APBB2: variants seen among roughly 807,000 people sequenced by gnomAD.
APBB2 encodes Fe65-like 1.
In APBB2, 38 loss-of-function variants were observed where a neutral mutation model predicts 82.5. The ratio of observed to expected loss-of-function variants is 0.46; its 90% CI spans 0.36 to 0.60. APBB2 has a LOEUF of 0.60. Among genes scored for constraint, APBB2 ranks in the 20% least tolerant of loss-of-function variants. APBB2 has a pLI of 0.00. For synonymous variants in APBB2, 341 were observed against 368.2 expected (o/e 0.93, Z 0.85); for missense variants, 772 against 972.3 (o/e 0.79, Z 2.74).
chr4:41,032,512 G>A (rs77110672), intron 5 of APBB2, among the ~76,000 whole-genome samples: 2 of 150,484 alleles, frequency 1.3e-5, no homozygotes, highest in African/African-American at 2.4e-5. Context: ...GGGGCGGGGG[G>A]GGTTTCTGTC....
intron 2 of APBB2, among the ~76,000 whole-genome samples, chr4:41,115,123 A>C (rs1750541903): frequency 6.6e-6 from 1 of 152,200 alleles, no homozygotes; most frequent in Non-Finnish European, 1.5e-5. Context: ...ACTAAAACAT[A>C]TATACAGACC....
chr4:41,204,638 G>C (rs1777503877), intron 1 of APBB2, among the ~76,000 whole-genome samples: 1 of 152,196 alleles, frequency 6.6e-6, no homozygotes, highest in South Asian at 2.1e-4. Context: ...TTCCTTAGCT[G>C]TCAGCCTTTC....
intron 2 of APBB2, among the ~76,000 whole-genome samples, chr4:41,116,318 G>GT (rs1273931248): frequency 6.6e-6 from 1 of 152,164 alleles, no homozygotes; most frequent in Non-Finnish European, 1.5e-5. Context: ...CTGTCGGTGG[G>GT]TGGGGGGCCA....
At chr4:41,112,050 T>C (rs1346810418) in intron 2 of APBB2, among the ~76,000 whole-genome samples, 1 of 151,760 alleles carries the variant, frequency 6.6e-6, no homozygotes, top group African/African-American at 2.4e-5. Context: ...ACAGCAGAGG[T>C]GGGATGGGCT....
At chr4:40,851,857 G>T (rs898364476) in intron 12 of APBB2, among the ~76,000 whole-genome samples, 2 of 151,072 alleles carry the variant, frequency 1.3e-5, no homozygotes, top group African/African-American at 4.9e-5. Context: ...AGGGGGCAGA[G>T]AATCCTATCA....
intron 3 of APBB2, among the ~76,000 whole-genome samples, chr4:41,098,896 A>C (rs898343068): frequency 4.4e-4 from 67 of 152,336 alleles, no homozygotes; most frequent in Middle Eastern, 3.4e-3. Flanking sequence ...GGCCTCCAAC[A>C]TAATCCTTTT....
rs547530939 is a variant in APBB2, at chr4:41,105,636, G to A, written c.-260-4886C>T. ...GCAGTGGCTCACGCCTGTAATCCCA[G>A]CACTCTAGGAGGCCAAGGCGGGCAG... On this transcript the variant is annotated intron_variant, in intron 2 of 17. Transcript: ENST00000508593. 5.3e-5 allele frequency among the ~76,000 whole-genome samples: 8 copies of A among 152,292 alleles called. No homozygotes were observed. The East Asian group carries it at 1.2e-3, about 22-fold the overall frequency.
At position 41,139,722 on chromosome 4, in the gene APBB2, T is replaced by C. The variant is rs1180830763; in HGVS notation, c.-261+3265A>G. Reference sequence around the variant, plus strand: ...TATGACACTGTGGAAAAAGTAGAACTATGGGGCAAAAGATAAGTAGTGGCC... The same window carrying C: ...TATGACACTGTGGAAAAAGTAGAACCATGGGGCAAAAGATAAGTAGTGGCC... On this transcript the variant is annotated intron_variant, in intron 2 of 17. Transcript: ENST00000508593. Among the ~76,000 whole-genome samples the C allele has an allele frequency of 2.6e-5, 4 of 152,136 alleles. No individual in the cohort carries two copies. The East Asian group carries it at 7.7e-4, about 29-fold the overall frequency.
At chr4:40,975,313 G>C (rs924000517) in intron 6 of APBB2, among the ~76,000 whole-genome samples, 3 of 152,154 alleles carry the variant, frequency 2.0e-5, no homozygotes, top group Admixed American at 6.5e-5. Context: ...CCAGTATATG[G>C]ACAACAGGGA....
chr4:40,886,596 C>T (rs188966581), intron 12 of APBB2, among the ~76,000 whole-genome samples: 246 of 152,260 alleles, frequency 1.6e-3, no homozygotes, highest in African/African-American at 5.4e-3. Context: ...ACGCTGAGGC[C>T]GGAAGTTAGC....
intron 1 of APBB2, among the ~76,000 whole-genome samples, chr4:41,190,365 C>T (rs1252981937): frequency 6.6e-6 from 1 of 150,622 alleles, no homozygotes; most frequent in East Asian, 1.9e-4. Context: ...AATTCTCTGC[C>T]TCAGCCCGCG....
intron 12 of APBB2, among the ~76,000 whole-genome samples, chr4:40,863,315 G>A (rs778116119): frequency 6.6e-6 from 1 of 152,208 alleles, no homozygotes; most frequent in South Asian, 2.1e-4. Flanking sequence ...TATCAACAGA[G>A]CAGGCGGGAT....
At chr4:40,906,464 C>T (rs1323073949) in intron 10 of APBB2, among the ~76,000 whole-genome samples, 7 of 67,980 alleles carry the variant, frequency 1.0e-4, no homozygotes, top group African/African-American at 3.9e-4. Flanking sequence ...AAACCTGTCT[C>T]AAAAAAAAAA....
chr4:40,992,467 T>C lies in APBB2; in HGVS notation c.835+21116A>G, dbSNP rs1447298197. ...CACTGGGATTACAGGTGTGAGCCAC[T>C]GCACCAGATTGACACAGCTTTTTAG... On this transcript the variant is annotated intron_variant, in intron 6 of 17. Coordinates refer to ENST00000508593, the MANE Select transcript of APBB2 (RefSeq NM_004307.2). Among the ~76,000 whole-genome samples the C allele has an allele frequency of 2.0e-5, 3 of 152,132 alleles. No homozygotes were observed. In the East Asian group the frequency reaches 5.8e-4, roughly 29 times the overall value.
intron 10 of APBB2, among the ~76,000 whole-genome samples, chr4:40,930,582 G>A (rs1187282271): frequency 6.6e-6 from 1 of 151,948 alleles, no homozygotes; most frequent in Non-Finnish European, 1.5e-5. Context: ...TAGCTGAAGA[G>A]GATTTGGAAG....
At chr4:41,206,778 C>T (rs981982647) in intron 1 of APBB2, among the ~76,000 whole-genome samples, 2 of 152,212 alleles carry the variant, frequency 1.3e-5, no homozygotes, top group Non-Finnish European at 2.9e-5. Context: ...TTCACTTCCA[C>T]TGACAAACAA....
chr4:40,922,020 T>C (rs928073340), intron 10 of APBB2, among the ~76,000 whole-genome samples: 31 of 152,176 alleles, frequency 2.0e-4, no homozygotes, highest in Non-Finnish European at 3.8e-4. Flanking sequence ...GAACTAAGCA[T>C]GTCTGGCTAG....
chr4:41,097,262 T>C (rs1743814917), intron 3 of APBB2, among the ~76,000 whole-genome samples: 1 of 152,210 alleles, frequency 6.6e-6, no homozygotes, highest in African/African-American at 2.4e-5. Context: ...ATACAGCACC[T>C]GTCAGCCAGT....
chr4:40,933,349 G>A (rs984105157), intron 10 of APBB2, among the ~76,000 whole-genome samples: 11 of 152,254 alleles, frequency 7.2e-5, no homozygotes, highest in East Asian at 3.9e-4. Context: ...GATCAGGGGC[G>A]GGTAAATCAA....
Sources: allele counts gnomAD v4.1 joint callset (sites outside exome capture counted in the v4.1 genomes callset), GRCh38; gene constraint gnomAD v4.1.1; transcripts MANE v1.5; gene names NCBI Gene and HGNC (gene_info 2026-07-23, HGNC 2026-07-21).